The following ATAD3A variants were observed in gnomAD, a reference collection of about 807,000 sequenced individuals.
ATAD3A encodes ATPase family AAA domain-containing protein 3A.
A neutral mutation model predicts 73.8 loss-of-function variants in ATAD3A; 46 were observed. The observed-to-expected ratio is 0.62, with a 90% CI of 0.49 to 0.80. The LOEUF (loss-of-function observed/expected upper bound fraction) is 0.80. Among genes scored for constraint, ATAD3A ranks in the 30% least tolerant of loss-of-function variants. The pLI is 0.00. For synonymous variants in ATAD3A, 319 were observed against 350.0 expected, an observed-to-expected ratio of 0.91 and a Z score of 0.99; for missense variants, 705 against 838.0, an observed-to-expected ratio of 0.84 and a Z score of 1.96.
At chr1:1,525,322 G>A (rs772571914) in intron 12 of ATAD3A, 31 bp downstream of exon 12, 2 of 1,613,610 alleles carry the variant, frequency 1.2e-6, no homozygotes, top group East Asian at 2.2e-5. Context: ...GGCCACAATG[G>A]GGTGGTGGGG....
chr1:1,522,632 C>G, intron 7 of ATAD3A, 112 bp from the exon 8 acceptor site: 1 of 1,555,440 alleles, frequency 6.4e-7, no homozygotes, highest in Non-Finnish European at 8.7e-7. Context: ...CAGTGCACGG[C>G]CCTGTGCTTC....
At position 1,523,110 on chromosome 1, in the gene ATAD3A, C is replaced by T. The variant is rs185134996; in HGVS notation, c.906+211C>T. ...CTTCCCCTGTCTGCCTCGGTGTCCC[C>T]TGCTCAGGGCTCTTGATGGGGCCTG... On this transcript the variant is annotated intron_variant, in intron 8 of 15. Coordinates refer to ENST00000378756, the MANE Select transcript of ATAD3A (RefSeq NM_001170535.3). This position sits in a 1 kb window ranked among gnomAD's most constrained non-coding sequence, Gnocchi z 5.1. Among the ~76,000 whole-genome samples, 486 of 152,018 alleles carry T rather than the reference C, an allele frequency of 3.2e-3. No homozygotes were observed. Among genetic ancestry groups the T allele is most frequent in the African/African-American group, 8.9e-3 (370 of 41,348 alleles).
intron 5 of ATAD3A, among the ~76,000 whole-genome samples, chr1:1,519,921 G>A (rs1641520259): frequency 6.6e-6 from 1 of 152,184 alleles, no homozygotes; most frequent in Non-Finnish European, 1.5e-5. Flanking sequence ...TTAGCCTATT[G>A]GCGGCGTGGG....
intron 15 of ATAD3A, among the ~76,000 whole-genome samples, chr1:1,531,067 A>T (rs1642018856): frequency 6.6e-6 from 1 of 152,104 alleles, no homozygotes; most frequent in Non-Finnish European, 1.5e-5. Flanking sequence ...CTGAGCCAGG[A>T]GAATCTCTTG....
chr1:1,523,395 G>GC lies in ATAD3A; in HGVS notation c.907-115dup. On this transcript the variant is annotated intron_variant, in intron 8 of 15. Transcript: ENST00000378756. This position sits in a 1 kb window ranked among gnomAD's most constrained non-coding sequence, Gnocchi z 5.1. ...GGGTTCCAGCTCCGGGCCGGTCCTG[G>GC]CTGTGCTTTGGGGCAGCTCCGTTTC... 2 of 1,504,452 alleles carry GC rather than the reference G, an allele frequency of 1.3e-6. No individual in the cohort carries two copies. Among genetic ancestry groups the GC allele is most frequent in the Non-Finnish European group, 1.8e-6 (2 of 1,110,304 alleles). 93.2% of individuals were successfully genotyped at this position (1,504,452 alleles called of 1,614,324 possible).
intron 14 of ATAD3A, among the ~76,000 whole-genome samples, chr1:1,528,773 G>A (rs562916261): frequency 5.1e-4 from 78 of 152,332 alleles, no homozygotes; most frequent in Middle Eastern, 3.4e-3. Flanking sequence ...CCTGGTTGCC[G>A]CTGCCGCCTG....
intron 13 of ATAD3A, 31 bp downstream of exon 13, chr1:1,526,562 G>C (rs367922306): frequency 6.2e-7 from 1 of 1,611,538 alleles, no homozygotes; most frequent in African/African-American, 1.3e-5. Context: ...CTGGGCCCCC[G>C]GGCAGGGCTG....
intron 2 of ATAD3A, 65 bp from the exon 3 acceptor site, chr1:1,517,246 A>G (rs781555961): frequency 1.8e-5 from 28 of 1,546,910 alleles, no homozygotes; most frequent in Non-Finnish European, 2.4e-5. Flanking sequence ...GTGCAGACAC[A>G]GGAGCGGCTG....
rs574234339 is a variant in ATAD3A, at chr1:1,521,334, A to G, written c.750+717A>G. On this transcript the variant is annotated intron_variant, in intron 7 of 15. Transcript: ENST00000378756. Reference sequence around the variant, plus strand: ...AAAAAAAAAAAAAAAAAAAAACCAGAAGGCAACCCTGACTCCATTTTGCAA... The same window carrying G: ...AAAAAAAAAAAAAAAAAAAAACCAGGAGGCAACCCTGACTCCATTTTGCAA... Among the ~76,000 whole-genome samples, 12 of 149,680 alleles carry G rather than the reference A, an allele frequency of 8.0e-5. 1 individual carries two copies. In the South Asian group the frequency reaches 2.3e-3, roughly 29 times the overall value.
At chr1:1,528,684 GT>G (rs895121223) in intron 14 of ATAD3A, among the ~76,000 whole-genome samples, 1 of 152,218 alleles carries the variant, frequency 6.6e-6, no homozygotes, top group Non-Finnish European at 1.5e-5. Flanking sequence ...ACTTCTTGGC[GT>G]CCCCCGGGCC....
rs1363173486 is a variant in ATAD3A, at chr1:1,534,601, C to T, written c.*529C>T. On this transcript the variant is annotated 3_prime_UTR_variant, in exon 16 of 16. Coordinates refer to ENST00000378756, the MANE Select transcript of ATAD3A (RefSeq NM_001170535.3). ...GGAGGAGGGAACCTGGCGGGGGTGTCTGAGGCCGCACTGTCAGCTGGCCGG... is the reference window on the plus strand; with the variant it reads ...GGAGGAGGGAACCTGGCGGGGGTGTTTGAGGCCGCACTGTCAGCTGGCCGG... 10 of 203,620 alleles carry T rather than the reference C, an allele frequency of 4.9e-5. No individual in the cohort carries two copies. The highest frequency in any genetic ancestry group is 9.6e-5 in the Non-Finnish European group (10 of 104,002). 12.6% of individuals were successfully genotyped at this position (203,620 alleles called of 1,614,324 possible).
intron 11 of ATAD3A, among the ~76,000 whole-genome samples, chr1:1,524,818 C>T (rs1010062083): frequency 8.7e-5 from 13 of 149,970 alleles, no homozygotes; most frequent in South Asian, 4.3e-4. Context: ...ACAGTGACCC[C>T]GCGCAGGGCA....
At chr1:1,519,884 GTC>G (rs1641518833) in intron 5 of ATAD3A, among the ~76,000 whole-genome samples, 1 of 152,288 alleles carries the variant, frequency 6.6e-6, no homozygotes, top group Admixed American at 6.5e-5. Context: ...GTCTGTGTGT[GTC>G]TGTGGCATGG....
intron 15 of ATAD3A, among the ~76,000 whole-genome samples, chr1:1,533,210 G>A (rs1179537266): frequency 5.9e-5 from 9 of 152,188 alleles, no homozygotes; most frequent in Admixed American, 6.5e-5. Context: ...CTTCCTCCAG[G>A]TGTCCTGGTG....
rs545717285 is a variant in ATAD3A, at chr1:1,523,329, C to T, written c.907-182C>T. On this transcript the variant is annotated intron_variant, in intron 8 of 15. Coordinates refer to ENST00000378756, the MANE Select transcript of ATAD3A (RefSeq NM_001170535.3). The surrounding 1 kb of genome is among the most constrained non-coding windows in gnomAD (Gnocchi z 5.1). ...AAGCCAATAAGGAACCGGAAAATGC[C>T]CCTAATCCCAGCAATAGCCGCCTGG... 1.3e-5 allele frequency among the ~76,000 whole-genome samples: 2 copies of T among 152,314 alleles called. No homozygotes were observed. The highest frequency in any genetic ancestry group is 1.9e-4 in the East Asian group (1 of 5,184).
rs560969313 is a variant in ATAD3A, at chr1:1,516,003, C to T, written c.206-9C>T. ...CTAACACCTGCCCTCCGTGTCCTTG[C>T]GTCTGCAGGTTATGCCAAGGACGCC... On this transcript the variant is annotated splice_polypyrimidine_tract_variant and intron_variant, in intron 1 of 15. Transcript: ENST00000378756. The T allele has an allele frequency of 3.8e-5, 61 of 1,613,962 alleles. No homozygotes were observed. The highest frequency in any genetic ancestry group is 4.7e-5 in the Non-Finnish European group (56 of 1,179,894).
intron 1 of ATAD3A, 28 bp downstream of exon 1, chr1:1,512,501 G>C: frequency 1.9e-6 from 2 of 1,078,062 alleles, no homozygotes; most frequent in Non-Finnish European, 2.3e-6. Flanking sequence ...GGGCGGCGCG[G>C]GCGGGCGGGC....
At chr1:1,512,535 C>T in intron 1 of ATAD3A, 62 bp downstream of exon 1, 1 of 1,376,910 alleles carries the variant, frequency 7.3e-7, no homozygotes, top group Non-Finnish European at 9.5e-7. Context: ...GAAGCGGGAG[C>T]CCTGGCCCTT....
In ATAD3A at chr1:1,520,556, G is replaced by T; in HGVS notation, c.689G>T (p.Gly230Val). ...CACTGCTTTCCCCGCAGGACGGCTG[G>T]CACCTTGTTTGGGGAAGGATTCCGT... ...QTVLESIRTA[G>V]TLFGEGFRAF... is the part of the protein sequence containing the mutation. Residue 230 changes from glycine to valine, a missense_variant, in exon 7 of 16, where the codon GGC becomes GTC. Around this residue, in one of 5 missense-constraint regions of ATAD3A, gnomAD observed 315 missense variants for 334.1 expected, o/e 0.94. Transcript: ENST00000378756. This position sits in a 1 kb window ranked among gnomAD's most constrained non-coding sequence, Gnocchi z 4.0. 1 of 1,614,036 alleles carries T rather than the reference G, an allele frequency of 6.2e-7. No individual in the cohort carries two copies. The highest frequency in any genetic ancestry group is 2.2e-5 in the East Asian group (1 of 44,888).
Sources: allele counts gnomAD v4.1 joint callset (sites outside exome capture counted in the v4.1 genomes callset), GRCh38; gene constraint gnomAD v4.1.1; regional missense constraint gnomAD v4.1.1; non-coding constraint Gnocchi (gnomAD v3.1); transcripts MANE v1.5; gene names NCBI Gene and HGNC (gene_info 2026-07-23, HGNC 2026-07-21).